Variants in ITCH observed in about 807,000 individuals in gnomAD.
ITCH encodes itchy E3 ubiquitin protein ligase.
ITCH carries 28 observed loss-of-function variants against 126.8 expected under a neutral mutation model. The observed-to-expected ratio is 0.22, with a 90% CI of 0.16 to 0.30. The LOEUF (loss-of-function observed/expected upper bound fraction) is 0.30. Among genes scored for constraint, ITCH ranks in the 10% least tolerant of loss-of-function variants. The pLI is 1.00. For missense variants in ITCH, 631 were observed against 1,032.4 expected (o/e 0.61, Z 5.33); for synonymous variants, 342 against 340.0 (o/e 1.01, Z -0.06).
At position 34,441,994 on chromosome 20, in the gene ITCH, A is replaced by G. The variant is rs180842242; in HGVS notation, c.870-214A>G. The G allele has an allele frequency of 3.1e-5, 18 of 573,214 alleles. No individual in the cohort carries two copies. In the Admixed American group the frequency reaches 4.7e-4, roughly 15 times the overall value. 35.5% of individuals were successfully genotyped at this position (573,214 alleles called of 1,614,324 possible). A position where few individuals can be genotyped will look rare whatever the true frequency, so the allele number is the denominator to read the frequency against. ...GAATATGTTTTCTCCTAGAGCAGAT[A>G]CTTGCATAGAAGAAATTGAATTCAC... On this transcript the variant is annotated intron_variant, in intron 9 of 24. Transcript: ENST00000374864.
chr20:34,483,676 C>T (rs996660089), intron 20 of ITCH, among the ~76,000 whole-genome samples: 1 of 152,156 alleles, frequency 6.6e-6, no homozygotes, highest in Admixed American at 6.5e-5. Flanking sequence ...CCAAACTTTC[C>T]CACATTTTCC....
chr20:34,420,116 A>G (rs1240246351), intron 6 of ITCH, among the ~76,000 whole-genome samples: 1 of 152,200 alleles, frequency 6.6e-6, no homozygotes, highest in Admixed American at 6.5e-5. Flanking sequence ...AAATTTACAT[A>G]ACATACAATT....
chr20:34,394,897 G>A (rs2038619201), intron 3 of ITCH, among the ~76,000 whole-genome samples: 1 of 152,032 alleles, frequency 6.6e-6, no homozygotes, highest in South Asian at 2.1e-4. Flanking sequence ...AGAATAGATA[G>A]TGGTTTATGA....
chr20:34,511,067 C>T lies in ITCH; in HGVS notation c.*3273C>T, dbSNP rs900978434. On this transcript the variant is annotated 3_prime_UTR_variant, in exon 25 of 25. Coordinates refer to ENST00000374864, the MANE Select transcript of ITCH (RefSeq NM_031483.7). ...CCTTTCCTGTTGTGGATGTAACTTACCTTTCTAAACTCCTTTAGAGTTAAC... is the reference window on the plus strand; with the variant it reads ...CCTTTCCTGTTGTGGATGTAACTTATCTTTCTAAACTCCTTTAGAGTTAAC... 4 of 152,164 alleles carry T rather than the reference C, an allele frequency of 2.6e-5. No individual in the cohort carries two copies. The highest frequency in any genetic ancestry group is 9.7e-5 in the African/African-American group (4 of 41,416). 9.4% of individuals were successfully genotyped at this position (152,164 alleles called of 1,614,324 possible). A position where few individuals can be genotyped will look rare whatever the true frequency, so the allele number is the denominator to read the frequency against.
At chr20:34,407,298 ACT>A (rs1165680626) in intron 3 of ITCH, among the ~76,000 whole-genome samples, 3 of 151,946 alleles carry the variant, frequency 2.0e-5, no homozygotes, top group African/African-American at 7.3e-5. Flanking sequence ...ACGTAGGCTC[ACT>A]CTGTCGCCCA....
intron 2 of ITCH, among the ~76,000 whole-genome samples, chr20:34,369,925 G>A (rs1266569823): frequency 1.3e-5 from 2 of 151,730 alleles, no homozygotes; most frequent in Non-Finnish European, 2.9e-5. Context: ...ACAACATGGC[G>A]AGACCCTGAC....
chr20:34,457,204 A>G (rs1486277001), intron 12 of ITCH, among the ~76,000 whole-genome samples, 186 bp from the exon 13 acceptor site: 2 of 152,230 alleles, frequency 1.3e-5, no homozygotes, highest in African/African-American at 2.4e-5. Context: ...TAATATTTCT[A>G]TAACTTCAGT....
chr20:34,474,417 C>T (rs928179752), intron 16 of ITCH, among the ~76,000 whole-genome samples: 2 of 152,290 alleles, frequency 1.3e-5, no homozygotes, highest in Admixed American at 6.5e-5. Context: ...CATCTTGCAC[C>T]GCCCTTAATC....
chr20:34,474,831 C>CG (rs1211171920), intron 16 of ITCH, among the ~76,000 whole-genome samples: 1 of 151,846 alleles, frequency 6.6e-6, no homozygotes, highest in East Asian at 1.9e-4. Context: ...GGGTGGCTGC[C>CG]GGGTGGAGAC....
intron 1 of ITCH, among the ~76,000 whole-genome samples, chr20:34,365,306 A>G (rs1438634667): frequency 2.6e-5 from 4 of 152,238 alleles, no homozygotes; most frequent in Non-Finnish European, 5.9e-5. Flanking sequence ...TACATTCAGC[A>G]TACAGGTCAA....
chr20:34,446,322 C>T (rs1436398476), intron 11 of ITCH, among the ~76,000 whole-genome samples: 1 of 152,196 alleles, frequency 6.6e-6, no homozygotes, highest in South Asian at 2.1e-4. Flanking sequence ...GGTATCATCC[C>T]TGTTAGAATT....
At chr20:34,440,815 A>G (rs1403896993) in intron 9 of ITCH, among the ~76,000 whole-genome samples, 3 of 152,154 alleles carry the variant, frequency 2.0e-5, no homozygotes, top group East Asian at 1.9e-4. Context: ...AAAACACACC[A>G]TATTTGAAAT....
At chr20:34,386,887 CTGCCT>C (rs2146044913) in intron 2 of ITCH, among the ~76,000 whole-genome samples, 1 of 152,276 alleles carries the variant, frequency 6.6e-6, no homozygotes, top group South Asian at 2.1e-4. Flanking sequence ...TTTGTTTCCA[CTGCCT>C]TTTCAGTAAG....
At chr20:34,367,223 G>T (rs979802946) in intron 1 of ITCH, among the ~76,000 whole-genome samples, 2 of 152,154 alleles carry the variant, frequency 1.3e-5, no homozygotes, top group Non-Finnish European at 2.9e-5. Flanking sequence ...GGCCATGCAG[G>T]CTGGAGTGCA....
chr20:34,408,740 A>G lies in ITCH; in HGVS notation c.160A>G (p.Thr54Ala). Reference protein sequence around the residue: ...EVTVDGQSKKTEKCNNTNSPK... With the variant: ...EVTVDGQSKKAEKCNNTNSPK... The stretch of plus-strand genomic sequence containing the variant: ...CACAGTAGATGGACAGTCAAAGAAG[A>G]CAGAAAAATGCAACAACACAAACAG... Residue 54 changes from threonine to alanine, a missense_variant, in exon 4 of 25, where the codon ACA becomes GCA. Physicochemically the swap from Thr to Ala is moderately conservative, Grantham distance 58 (BLOSUM62 0). This residue lies in a region of ITCH where 220 missense variants were observed against 265.7 expected (regional missense o/e 0.83). Transcript: ENST00000374864. The G allele has an allele frequency of 6.2e-7, 1 of 1,614,134 alleles. No individual in the cohort carries two copies.
intron 20 of ITCH, among the ~76,000 whole-genome samples, chr20:34,484,870 C>T (rs1988999061): frequency 6.6e-6 from 1 of 152,192 alleles, no homozygotes; most frequent in Non-Finnish European, 1.5e-5. Context: ...AGCATCATGT[C>T]CATGTAAATA....
intron 10 of ITCH, among the ~76,000 whole-genome samples, chr20:34,442,562 A>G (rs1057128406): frequency 1.3e-5 from 2 of 152,084 alleles, no homozygotes; most frequent in African/African-American, 4.8e-5. Flanking sequence ...TATGTCGCCC[A>G]GGCTGGTTTT....
chr20:34,412,148 TA>T (rs1979129589), intron 4 of ITCH, among the ~76,000 whole-genome samples: 1 of 152,224 alleles, frequency 6.6e-6, no homozygotes, highest in African/African-American at 2.4e-5. Flanking sequence ...ACTATAAAGA[TA>T]AAATAACTTC....
chr20:34,379,906 C>T (rs6120632), intron 2 of ITCH, among the ~76,000 whole-genome samples: 1,110 of 24,040 alleles, frequency 0.046, 2 homozygotes, highest in African/African-American at 0.097. Context: ...CCCCCCCCCC[C>T]TTTTTTTTTG....
Sources: allele counts gnomAD v4.1 joint callset (sites outside exome capture counted in the v4.1 genomes callset), GRCh38; gene constraint gnomAD v4.1.1; regional missense constraint gnomAD v4.1.1; transcripts MANE v1.5; gene names NCBI Gene and HGNC (gene_info 2026-07-23, HGNC 2026-07-21).